Variants in ZNF469 observed in about 807,000 individuals in gnomAD.
ZNF469 encodes zinc finger protein 469.
A neutral mutation model predicts 1.0 loss-of-function variants in ZNF469; 1 was observed. That is an observed-to-expected ratio of 1.00 (90% CI 0.35 to 4.73). The LOEUF (loss-of-function observed/expected upper bound fraction) is 4.73, where lower values mean the gene tolerates loss of function less well. ZNF469 is among the 30% of genes most tolerant of loss of function. ZNF469 has a pLI of 0.16. For synonymous variants in ZNF469, 2,703 were observed against 2,363.4 expected, an observed-to-expected ratio of 1.14 and a Z score of -4.17; for missense variants, 6,100 against 5,356.3, an observed-to-expected ratio of 1.14 and a Z score of -4.33.
the ZNF469 span, among the ~76,000 whole-genome samples, chr16:88,371,403 G>A: frequency 2.6e-5 from 4 of 152,214 alleles, no homozygotes; most frequent in African/African-American, 4.8e-5. Flanking sequence ...AATTGACAAA[G>A]GGTGTGGCAT....
the ZNF469 span, among the ~76,000 whole-genome samples, chr16:88,244,018 G>C: frequency 7.0e-6 from 1 of 143,260 alleles, no homozygotes; most frequent in Non-Finnish European, 1.5e-5. Context: ...GTACGTATGG[G>C]TGAGTGCACG....
chr16:88,389,558 C>A (rs1599344453), intron 1 of ZNF469, among the ~76,000 whole-genome samples: 2 of 152,058 alleles, frequency 1.3e-5, no homozygotes, highest in East Asian at 1.9e-4. Context: ...GCCACCCTGG[C>A]CTTCAAGGAG....
chr16:88,144,050 C>G, the ZNF469 span, among the ~76,000 whole-genome samples: 3 of 152,320 alleles, frequency 2.0e-5, no homozygotes, highest in African/African-American at 7.2e-5. Flanking sequence ...GAGGCAGAAC[C>G]CGCCTGCTGG....
At chr16:88,386,013 A>T (rs1235517647) in intron 1 of ZNF469, among the ~76,000 whole-genome samples, 1 of 152,184 alleles carries the variant, frequency 6.6e-6, no homozygotes, top group Non-Finnish European at 1.5e-5. Flanking sequence ...GGTGCCAGCT[A>T]AAAGCCCAGA....
chr16:88,380,389 A>ACGGGTTTG (rs1567495317), upstream of ZNF469, among the ~76,000 whole-genome samples: 1 of 119,594 alleles, frequency 8.4e-6, no homozygotes, highest in Admixed American at 7.5e-5. Context: ...ACGCACTCAC[A>ACGGGTTTG]GACACGCCCT....
At chr16:88,409,924 G>A (rs1230398863) in intron 1 of ZNF469, among the ~76,000 whole-genome samples, 1 of 151,838 alleles carries the variant, frequency 6.6e-6, no homozygotes, top group East Asian at 1.9e-4. Flanking sequence ...CGGGCCTGGT[G>A]CAGGTCTTCC....
chr16:88,181,937 T>A, the ZNF469 span, among the ~76,000 whole-genome samples: 1 of 152,228 alleles, frequency 6.6e-6, no homozygotes, highest in Non-Finnish European at 1.5e-5. Context: ...AAATAAGACA[T>A]AAAATTGCCT....
At chr16:88,401,248 C>T (rs1224153371) in intron 1 of ZNF469, among the ~76,000 whole-genome samples, 1 of 152,234 alleles carries the variant, frequency 6.6e-6, no homozygotes, top group Non-Finnish European at 1.5e-5. Context: ...GACAGTGCCA[C>T]GGGCACCGTG....
the ZNF469 span, among the ~76,000 whole-genome samples, chr16:88,373,826 A>G: frequency 6.6e-6 from 1 of 152,150 alleles, no homozygotes; most frequent in East Asian, 1.9e-4. Context: ...GCAAACCTCC[A>G]TCGACACTAA....
At chr16:88,109,260 A>G in the ZNF469 span, among the ~76,000 whole-genome samples, 1 of 152,218 alleles carries the variant, frequency 6.6e-6, no homozygotes, top group Non-Finnish European at 1.5e-5. Flanking sequence ...TGAGACCTCA[A>G]CAGTGAGACA....
At chr16:88,224,638 A>T in the ZNF469 span, among the ~76,000 whole-genome samples, 2 of 152,150 alleles carry the variant, frequency 1.3e-5, no homozygotes, top group Non-Finnish European at 2.9e-5. Flanking sequence ...TCTGGGCTGC[A>T]CCTCAATCCA....
the ZNF469 span, among the ~76,000 whole-genome samples, chr16:88,199,534 G>T: frequency 3.9e-5 from 6 of 152,190 alleles, no homozygotes; most frequent in African/African-American, 1.4e-4. Flanking sequence ...TTTGATGAAG[G>T]TGCCCTTGCT....
At position 88,434,147 on chromosome 16, in the gene ZNF469, C is replaced by T. The variant is rs768673377; in HGVS notation, c.6677C>T (p.Ser2226Phe). 6.5e-7 allele frequency: 1 copy of T among 1,550,326 alleles called. No homozygotes were observed. The highest frequency in any genetic ancestry group is 1.2e-5 in the South Asian group (1 of 84,068). Residue 2226 changes from serine to phenylalanine, a missense_variant, in exon 3 of 3, where the codon TCC becomes TTC. Physicochemically the swap from Ser to Phe is radical, Grantham distance 155 (BLOSUM62 -2). Coordinates refer to ENST00000565624, the MANE Select transcript of ZNF469 (RefSeq NM_001367624.2). ...GAGGGCAGCCCCCTGGAAGACCCTT[C>T]CTCCTGGCCTCCTGGCTCCGTCAGT... The part of the protein sequence containing the change: ...QGEGSPLEDP[S>F]SWPPGSVSAV...
chr16:88,326,651 G>A, the ZNF469 span, among the ~76,000 whole-genome samples: 2 of 152,120 alleles, frequency 1.3e-5, no homozygotes, highest in African/African-American at 2.4e-5. Flanking sequence ...CCTGACGCAG[G>A]CACTCACATG....
chr16:88,255,678 A>G, the ZNF469 span, among the ~76,000 whole-genome samples: 721 of 152,358 alleles, frequency 4.7e-3, 7 homozygotes, highest in African/African-American at 0.016. Context: ...GTGCCTCAAC[A>G]GTCCGAGACA....
At chr16:88,243,951 T>TATAA in the ZNF469 span, among the ~76,000 whole-genome samples, 283 of 120,716 alleles carry the variant, frequency 2.3e-3, 6 homozygotes, top group Non-Finnish European at 3.2e-3. Flanking sequence ...TATATATATA[T>TATAA]AAATGTATGT....
the ZNF469 span, among the ~76,000 whole-genome samples, chr16:88,290,240 G>A: frequency 1.2e-4 from 19 of 152,346 alleles, no homozygotes; most frequent in Non-Finnish European, 2.9e-5. Context: ...CTGTGCAGCT[G>A]ATGGACTTTC....
At chr16:88,365,265 C>T in the ZNF469 span, among the ~76,000 whole-genome samples, 1 of 152,222 alleles carries the variant, frequency 6.6e-6, no homozygotes, top group African/African-American at 2.4e-5. Context: ...AACATCCAGC[C>T]TTTTCTGGTT....
Position 88,439,218 on chromosome 16 carries a change from T to C in ZNF469, c.11748T>C (p.Pro3916=). 1.3e-6 allele frequency: 2 copies of C among 1,550,174 alleles called. No homozygotes were observed. The highest frequency in any genetic ancestry group is 1.7e-6 in the Non-Finnish European group (2 of 1,146,834). The part of the protein sequence containing the change: ...KRGTAVHGAE[P]AEPHTHRTAE... Reference sequence around the variant, plus strand: ...GCACAGCTGTCCACGGTGCTGAACCTGCCGAGCCACACACCCACCGGACGG... The same window carrying C: ...GCACAGCTGTCCACGGTGCTGAACCCGCCGAGCCACACACCCACCGGACGG... The change falls in exon 3 of 3, where the codon CCT becomes CCC. Residue 3916 remains proline (P), a synonymous_variant. Transcript: ENST00000565624.
Sources: gnomAD v4.1 joint callset for allele counts (sites outside exome capture counted in the v4.1 genomes callset) on GRCh38, gnomAD v4.1.1 for gene constraint, MANE v1.5 for transcripts, NCBI Gene and HGNC (gene_info 2026-07-23, HGNC 2026-07-21) for gene names.